Variants in APBA2 observed in about 807,000 individuals in gnomAD.
The protein encoded by APBA2 is amyloid beta precursor protein binding family A member 2, also known as amyloid-beta A4 precursor protein-binding family A member 2.
Under a neutral mutation model 75.0 loss-of-function variants are expected in APBA2, and 30 were observed. That is an observed-to-expected ratio of 0.40 (90% CI 0.30 to 0.54). The LOEUF is 0.54. APBA2 is among the 20% of genes least tolerant of loss of function. The pLI is 0.49. For synonymous variants in APBA2, 444 were observed against 409.6 expected, an observed-to-expected ratio of 1.08 and a Z score of -1.01; for missense variants, 801 against 1,016.1, an observed-to-expected ratio of 0.79 and a Z score of 2.88.
intron 4 of APBA2, among the ~76,000 whole-genome samples, chr15:29,059,345 G>A (rs189431429): frequency 1.8e-4 from 28 of 152,246 alleles, no homozygotes; most frequent in Admixed American, 1.2e-3. Context: ...AGGGCTGAGC[G>A]ACAGTGCTGA....
Position 29,046,448 on chromosome 15 carries a change from C to T in APBA2, c.-40-7397C>T, listed in dbSNP as rs1457094318. Reference sequence around the variant, plus strand: ...GACAGTTGTCCTTGCTCTCCACCCCCTGGAGTAGGGGAAGAAGGCTTGGAA... The same window carrying T: ...GACAGTTGTCCTTGCTCTCCACCCCTTGGAGTAGGGGAAGAAGGCTTGGAA... On this transcript the variant is annotated intron_variant, in intron 3 of 14. Transcript: ENST00000683413. The surrounding 1 kb of genome is among the most constrained non-coding windows in gnomAD (Gnocchi z 5.0). 1.3e-5 allele frequency among the ~76,000 whole-genome samples: 2 copies of T among 152,196 alleles called. No homozygotes were observed. The highest frequency in any genetic ancestry group is 2.9e-5 in the Non-Finnish European group (2 of 68,010).
intron 1 of APBA2, among the ~76,000 whole-genome samples, chr15:28,913,277 C>CA (rs2033516910): frequency 6.6e-6 from 1 of 152,166 alleles, no homozygotes; most frequent in Admixed American, 6.5e-5. Context: ...GGTTTGTCCT[C>CA]ACAGTAGCTC....
chr15:28,939,814 G>A (rs1355798967), intron 2 of APBA2, among the ~76,000 whole-genome samples: 3 of 152,166 alleles, frequency 2.0e-5, no homozygotes, highest in African/African-American at 7.2e-5. Flanking sequence ...CGTGCAGCTT[G>A]GGAGCCATGG....
chr15:29,016,334 C>T (rs2039661869), intron 3 of APBA2, among the ~76,000 whole-genome samples: 1 of 152,194 alleles, frequency 6.6e-6, no homozygotes, highest in African/African-American at 2.4e-5. Flanking sequence ...TTTGTTATCC[C>T]CTTTGATAGA....
intron 8 of APBA2, among the ~76,000 whole-genome samples, chr15:29,098,087 T>G (rs1461100639): frequency 2.0e-5 from 3 of 152,332 alleles, no homozygotes; most frequent in Middle Eastern, 3.4e-3. Flanking sequence ...GTCTTGGCTG[T>G]TGTGGATAGT....
At chr15:28,951,838 C>G (rs1389477419) in intron 2 of APBA2, among the ~76,000 whole-genome samples, 1 of 148,898 alleles carries the variant, frequency 6.7e-6, no homozygotes, top group Admixed American at 6.7e-5. Flanking sequence ...GCCTTGGCCT[C>G]CCAAAGTGCT....
At chr15:29,022,233 G>A (rs2039988949) in intron 3 of APBA2, among the ~76,000 whole-genome samples, 1 of 152,124 alleles carries the variant, frequency 6.6e-6, no homozygotes, top group African/African-American at 2.4e-5. Flanking sequence ...TTCCATAATA[G>A]TGATACCAAT....
At chr15:29,000,666 C>T (rs894235135) in intron 3 of APBA2, among the ~76,000 whole-genome samples, 2 of 152,116 alleles carry the variant, frequency 1.3e-5, no homozygotes, top group African/African-American at 4.8e-5. Context: ...TCATGGCGCA[C>T]TGCAACCCTG....
At chr15:29,012,699 CT>C (rs2039459678) in intron 3 of APBA2, among the ~76,000 whole-genome samples, 2 of 152,156 alleles carry the variant, frequency 1.3e-5, no homozygotes, top group African/African-American at 4.8e-5. Context: ...AGCTTTTGCC[CT>C]TTCCTAAGAT....
chr15:28,889,398 GGT>G, intron 1 of APBA2, among the ~76,000 whole-genome samples: 1 of 152,220 alleles, frequency 6.6e-6, no homozygotes, highest in East Asian at 1.9e-4. Flanking sequence ...GGGGCTGTGG[GGT>G]ACTCCTGACT....
chr15:28,935,226 G>A (rs2034791101), intron 2 of APBA2, among the ~76,000 whole-genome samples: 2 of 152,306 alleles, frequency 1.3e-5, no homozygotes. Flanking sequence ...ACGGTGGCCC[G>A]GACCCTTGGG....
At chr15:29,027,384 C>T (rs1460424351) in intron 3 of APBA2, among the ~76,000 whole-genome samples, 2 of 152,090 alleles carry the variant, frequency 1.3e-5, no homozygotes, top group African/African-American at 4.8e-5. Context: ...GAAAATCTTA[C>T]ATTTCATTCA....
chr15:28,923,586 G>A (rs2034093335), intron 2 of APBA2, among the ~76,000 whole-genome samples: 1 of 137,528 alleles, frequency 7.3e-6, no homozygotes, highest in African/African-American at 2.6e-5. Context: ...TGGGGTGGGG[G>A]GAGGGGCCTC....
intron 2 of APBA2, among the ~76,000 whole-genome samples, chr15:28,942,355 C>T (rs1232153128): frequency 6.6e-6 from 1 of 152,180 alleles, no homozygotes; most frequent in African/African-American, 2.4e-5. Context: ...CTGGGGTCTG[C>T]GCTTTACTAG....
chr15:28,987,474 C>G (rs2037982570), intron 2 of APBA2, among the ~76,000 whole-genome samples: 1 of 151,974 alleles, frequency 6.6e-6, no homozygotes, highest in Non-Finnish European at 1.5e-5. Context: ...GCCATATAGA[C>G]CTTTCCACAG....
At chr15:28,915,137 T>C (rs1416526735) in intron 1 of APBA2, among the ~76,000 whole-genome samples, 3 of 1,708 alleles carry the variant, frequency 1.8e-3, no homozygotes, top group African/African-American at 2.6e-3. Context: ...AACCCATATA[T>C]ACCACACACA....
intron 2 of APBA2, among the ~76,000 whole-genome samples, chr15:28,984,929 C>T (rs567339304): frequency 1.3e-5 from 2 of 151,852 alleles, no homozygotes; most frequent in East Asian, 3.9e-4. Context: ...CTCTCTCTCT[C>T]TCTCTCTCCC....
At chr15:29,107,120 G>T (rs559583846) in intron 12 of APBA2, among the ~76,000 whole-genome samples, 1 of 152,324 alleles carries the variant, frequency 6.6e-6, no homozygotes, top group East Asian at 1.9e-4. Flanking sequence ...AGTATAGGGT[G>T]ACCAGCTTAT....
chr15:28,944,241 G>A (rs559322352), intron 2 of APBA2, among the ~76,000 whole-genome samples: 2 of 152,286 alleles, frequency 1.3e-5, no homozygotes, highest in East Asian at 1.9e-4. Context: ...GCTCTTTCGC[G>A]GTTTGGGATT....
Sources: allele counts gnomAD v4.1 joint callset (sites outside exome capture counted in the v4.1 genomes callset), GRCh38; gene constraint gnomAD v4.1.1; non-coding constraint Gnocchi (gnomAD v3.1); transcripts MANE v1.5; gene names NCBI Gene and HGNC (gene_info 2026-07-23, HGNC 2026-07-21).